Variants in GABRA4 observed in about 807,000 individuals in gnomAD.
GABRA4 encodes the protein gamma-aminobutyric acid receptor subunit alpha-4.
A neutral mutation model predicts 49.7 loss-of-function variants in GABRA4; 12 were observed. The ratio of observed to expected loss-of-function variants is 0.24; its 90% confidence interval spans 0.15 to 0.39. The LOEUF is 0.39. Among genes scored for constraint, GABRA4 ranks in the 10% least tolerant of loss-of-function variants. The probability of loss-of-function intolerance (pLI) is 1.00; values close to 1 mark genes in which losing one functional copy is unlikely to be tolerated. For synonymous variants in GABRA4, 288 were observed against 240.2 expected (o/e 1.20, Z -1.84); for missense variants, 506 against 686.0 (o/e 0.74, Z 2.93).
chr4:46,967,369 T>G (rs1243824722), intron 7 of GABRA4, among the ~76,000 whole-genome samples: 1 of 151,308 alleles, frequency 6.6e-6, no homozygotes, highest in Non-Finnish European at 1.5e-5. Context: ...TTTTTTTTTG[T>G]AATAGGACTA....
In GABRA4 at chr4:46,928,450, T is replaced by G. The variant is rs763273177; in HGVS notation, c.1440A>C (p.Gly480=). 1 of 1,613,670 alleles carries G rather than the reference T, an allele frequency of 6.2e-7. No individual in the cohort carries two copies. Residue 480 remains glycine (G), a synonymous_variant, in exon 9 of 9, where the codon GGA becomes GGC. Transcript: ENST00000264318. Reference sequence around the variant, plus strand: ...TGGTCTTTATCCTCTGCAGTCTTGATCCAAACACGTGACGAGTAGAAGCAG... The same window carrying G: ...TGGTCTTTATCCTCTGCAGTCTTGAGCCAAACACGTGACGAGTAGAAGCAG... ...VGSASTRHVF[G]SRLQRIKTTV...
rs146187560 is a variant in GABRA4 at position 46,947,507 on chromosome 4, G to T, written c.1134+17463C>A. 2.5e-4 allele frequency among the ~76,000 whole-genome samples: 38 copies of T among 151,942 alleles called. No homozygotes were observed. In the East Asian group the frequency reaches 6.0e-3, roughly 24 times the overall value. On this transcript the variant is annotated intron_variant, in intron 8 of 8. Transcript: ENST00000264318. ...GCTGCACTTAGTTAAATTTATAGGG[G>T]AAGGAAGAGGAGGAAAGCAGGAAGG...
intron 8 of GABRA4, among the ~76,000 whole-genome samples, chr4:46,934,565 T>C (rs1416708582): frequency 2.0e-5 from 3 of 152,242 alleles, no homozygotes; most frequent in African/African-American, 7.2e-5. Flanking sequence ...TCAATGTTTG[T>C]ATTTCCATAA....
intron 8 of GABRA4, among the ~76,000 whole-genome samples, chr4:46,934,320 AATGTGG>A: frequency 6.6e-6 from 1 of 152,294 alleles, no homozygotes; most frequent in East Asian, 1.9e-4. Flanking sequence ...GAAATAAACA[AATGTGG>A]TAGAGCAGCT....
chr4:46,936,520 G>T (rs936821018), intron 8 of GABRA4, among the ~76,000 whole-genome samples: 8 of 152,118 alleles, frequency 5.3e-5, no homozygotes, highest in Admixed American at 3.9e-4. Flanking sequence ...AAAGTGCTGG[G>T]ATTACAGGCA....
chr4:46,957,395 A>C (rs1722403138), intron 8 of GABRA4, among the ~76,000 whole-genome samples: 2 of 152,026 alleles, frequency 1.3e-5, no homozygotes, highest in Non-Finnish European at 2.9e-5. Context: ...TGCAAATAGA[A>C]TTGTAAGAAT....
intron 6 of GABRA4, among the ~76,000 whole-genome samples, chr4:46,971,514 A>T (rs1004567099): frequency 4.0e-5 from 6 of 151,492 alleles, no homozygotes; most frequent in Non-Finnish European, 8.9e-5. Context: ...TTCTATTTTG[A>T]TGGTCTAATA....
intron 2 of GABRA4, among the ~76,000 whole-genome samples, chr4:46,985,960 A>G (rs1273915959): frequency 6.6e-6 from 1 of 152,000 alleles, no homozygotes; most frequent in Non-Finnish European, 1.5e-5. Context: ...AAAACATGTT[A>G]TGGTCTAATC....
chr4:46,959,253 T>A (rs946311279), intron 8 of GABRA4, among the ~76,000 whole-genome samples: 4 of 151,888 alleles, frequency 2.6e-5, no homozygotes, highest in Non-Finnish European at 5.9e-5. Context: ...CTGGCAGGGA[T>A]CTAGAATCAG....
chr4:46,955,200 T>A (rs1372146605), intron 8 of GABRA4, among the ~76,000 whole-genome samples: 1 of 152,098 alleles, frequency 6.6e-6, no homozygotes, highest in Non-Finnish European at 1.5e-5. Flanking sequence ...TTATACCACA[T>A]AACACACATA....
chr4:46,989,411 G>T (rs1186702509), intron 2 of GABRA4, among the ~76,000 whole-genome samples: 2 of 152,162 alleles, frequency 1.3e-5, no homozygotes, highest in African/African-American at 2.4e-5. Flanking sequence ...TTTATTAGAG[G>T]TTGAGAGGAC....
Position 46,979,093 on chromosome 4 carries a change from C to A in GABRA4, c.211G>T (p.Val71Phe). Residue 71 changes from valine (V) to phenylalanine (F), a missense_variant, in exon 3 of 9, where the codon GTT becomes TTT. Transcript: ENST00000264318. ...TATATGTCAGTTTTCACTTCTGTAA[C>A]AGGACCTAACGGGTATGAAGTAAAT... ...NRLRPGFGGP[V>F]TEVKTDIYVT... 1 of 1,601,598 alleles carries A rather than the reference C, an allele frequency of 6.2e-7. No individual in the cohort carries two copies. Among genetic ancestry groups the A allele is most frequent in the Non-Finnish European group, 8.6e-7 (1 of 1,169,378 alleles).
In GABRA4 at chr4:46,993,556, G is replaced by T; in HGVS notation, c.-132C>A. On this transcript the variant is annotated 5_prime_UTR_variant, in exon 1 of 9. It adds an upstream start codon to the 5' untranslated region. Transcript: ENST00000264318. ...TCGCGCTCACACTCGCCCGCGCTCA[G>T]CCAGCCCGAGCCGCGGTGGGCGTGT... The T allele has an allele frequency of 2.3e-6, 2 of 885,674 alleles. No homozygotes were observed. The highest frequency in any genetic ancestry group is 1.7e-5 in the African/African-American group (1 of 60,546). The allele number at this position is 885,674 out of a possible 1,614,324, so 54.9% of individuals were successfully genotyped here. A position where few individuals can be genotyped will look rare whatever the true frequency, so the allele number is the denominator to read the frequency against.
chr4:46,986,234 T>C (rs1723531033), intron 2 of GABRA4, among the ~76,000 whole-genome samples: 1 of 151,994 alleles, frequency 6.6e-6, no homozygotes, highest in African/African-American at 2.4e-5. Context: ...TTTCTCTGCT[T>C]CCATGTACAA....
At position 46,993,576 on chromosome 4, in the gene GABRA4, G is replaced by C. The variant is rs1183535856; in HGVS notation, c.-152C>G. The C allele has an allele frequency of 5.5e-6, 4 of 724,558 alleles. No homozygotes were observed. The highest frequency in any genetic ancestry group is 4.5e-5 in the Admixed American group (2 of 44,664). 44.9% of individuals were successfully genotyped at this position (724,558 alleles called of 1,614,324 possible). The stretch of plus-strand genomic sequence containing the variant: ...GCTCAGCCAGCCCGAGCCGCGGTGG[G>C]CGTGTGTGTGCACGGGGCCAGGGGA... On this transcript the variant is annotated 5_prime_UTR_variant, in exon 1 of 9. Transcript: ENST00000264318.
chr4:46,928,786 T>G lies in GABRA4; in HGVS notation c.1135-31A>C, dbSNP rs746006905. The G allele has an allele frequency of 7.8e-6, 11 of 1,413,412 alleles. No individual in the cohort carries two copies. The East Asian group carries it at 2.3e-4, about 30-fold the overall frequency. The allele number at this position is 1,413,412 out of a possible 1,614,324, so 87.6% of individuals were successfully genotyped here. A position where few individuals can be genotyped will look rare whatever the true frequency, so the allele number is the denominator to read the frequency against. ...AAGGTATATGAAAAAATATATTGGT[T>G]ATGTAACTTTATGCAGATTTGTACA... On this transcript the variant is annotated intron_variant, in intron 8 of 8. Transcript: ENST00000264318.
At chr4:46,965,708 G>T (rs1385516829) in intron 7 of GABRA4, among the ~76,000 whole-genome samples, 1 of 151,750 alleles carries the variant, frequency 6.6e-6, no homozygotes, top group Non-Finnish European at 1.5e-5. Flanking sequence ...TTGAGCATCA[G>T]AATTTCTGGA....
At chr4:46,975,668 A>T (rs575673367) in intron 5 of GABRA4, among the ~76,000 whole-genome samples, 2 of 152,112 alleles carry the variant, frequency 1.3e-5, no homozygotes, top group East Asian at 3.9e-4. Context: ...CCCTGATTGA[A>T]CACGAACTAT....
chr4:46,929,624 ATAAT>A (rs1721357731), intron 8 of GABRA4, among the ~76,000 whole-genome samples: 1 of 152,132 alleles, frequency 6.6e-6, no homozygotes, highest in Admixed American at 6.6e-5. Flanking sequence ...AACTATATAC[ATAAT>A]TAATTATAGA....
Sources: gnomAD v4.1 joint callset for allele counts (sites outside exome capture counted in the v4.1 genomes callset) on GRCh38, gnomAD v4.1.1 for gene constraint, MANE v1.5 for transcripts, NCBI Gene and HGNC (gene_info 2026-07-23, HGNC 2026-07-21) for gene names.